TENM2: variants seen among roughly 807,000 people sequenced by gnomAD.
TENM2 encodes teneurin-2.
TENM2 carries 52 observed loss-of-function variants against 245.2 expected under a neutral mutation model. That is an observed-to-expected ratio of 0.21 (90% confidence interval 0.17 to 0.27). The LOEUF (loss-of-function observed/expected upper bound fraction) is 0.27. TENM2 is among the 10% of genes least tolerant of loss of function. The pLI is 1.00. For synonymous variants in TENM2, 1,363 were observed against 1,438.9 expected (o/e 0.95, Z 1.19); for missense variants, 3,046 against 3,666.8 (o/e 0.83, Z 4.37).
At position 168,062,317 on chromosome 5, in the gene TENM2, A is replaced by ATG. The variant is rs1318794510; in HGVS notation, c.1515+62_1515+63dup. ...CATTTAAAAAAATATATACGTATAT[A>ATG]TGTGTGTGTGTATATATGCCACTTC... is the stretch of plus-strand genomic sequence containing the variant. On this transcript the variant is annotated intron_variant, in intron 7 of 28. Coordinates refer to ENST00000518659, the Ensembl canonical transcript of TENM2. 162 of 1,456,722 alleles carry ATG rather than the reference A, an allele frequency of 1.1e-4. No homozygotes were observed. The East Asian group carries it at 2.9e-3, about 26-fold the overall frequency. The allele number at this position is 1,456,722 out of a possible 1,614,324, so 90.2% of individuals were successfully genotyped here.
At chr5:168,090,753 C>T (rs1208995083) in exon 8 of TENM2, 1 of 1,613,584 alleles carries the variant, frequency 6.2e-7, no homozygotes, top group Non-Finnish European at 8.5e-7. Flanking sequence ...TGGTTTCCTT[C>T]AATACTGTTG....
intron 2 of TENM2, among the ~76,000 whole-genome samples, chr5:167,391,912 G>C (rs1256444152): frequency 2.6e-5 from 4 of 152,048 alleles, no homozygotes; most frequent in African/African-American, 9.7e-5. Context: ...TTACCCAAGG[G>C]GAAAGGTAGA....
intron 1 of TENM2, among the ~76,000 whole-genome samples, chr5:167,301,874 G>C (rs181789883): frequency 6.6e-6 from 1 of 152,148 alleles, no homozygotes; most frequent in Non-Finnish European, 1.5e-5. Flanking sequence ...ACTGTAAGCC[G>C]GACCGGGTGT....
intron 4 of TENM2, among the ~76,000 whole-genome samples, chr5:167,989,910 G>A (rs1266812710): frequency 6.6e-6 from 1 of 152,164 alleles, no homozygotes; most frequent in Non-Finnish European, 1.5e-5. Flanking sequence ...TGCACAACGG[G>A]ATGTGGGTCA....
At chr5:168,204,241 G>A in intron 18 of TENM2, 131 bp from the exon 21 acceptor site, 1 of 975,600 alleles carries the variant, frequency 1.0e-6, no homozygotes, top group Non-Finnish European at 1.5e-6. Flanking sequence ...TCTCCACATT[G>A]TGAAGAAGTT....
intron 14 of TENM2, 21 bp from the exon 17 acceptor site, chr5:168,195,155 C>T: frequency 6.4e-7 from 1 of 1,573,824 alleles, no homozygotes; most frequent in Non-Finnish European, 8.6e-7. Flanking sequence ...GCTCAAAGAC[C>T]TCTGTTTCTG....
intron 2 of TENM2, among the ~76,000 whole-genome samples, chr5:167,667,790 G>C (rs2150341938): frequency 6.6e-6 from 1 of 152,278 alleles, no homozygotes; most frequent in East Asian, 1.9e-4. Context: ...GGTATAATGG[G>C]AATAGGGCAG....
At chr5:167,168,243 A>G in the TENM2 span, 1 of 152,220 alleles carries the variant, frequency 6.6e-6, no homozygotes, top group Non-Finnish European at 1.5e-5. Context: ...AGTGTTCTAT[A>G]TCATGTCACG....
At chr5:167,481,184 G>C (rs1375218618) in intron 2 of TENM2, among the ~76,000 whole-genome samples, 1 of 152,126 alleles carries the variant, frequency 6.6e-6, no homozygotes, top group Admixed American at 6.5e-5. Flanking sequence ...GCTATCACAT[G>C]GTTGCTGCTG....
chr5:167,221,018 G>A, the TENM2 span, among the ~76,000 whole-genome samples: 1 of 152,002 alleles, frequency 6.6e-6, no homozygotes, highest in Admixed American at 6.6e-5. Flanking sequence ...GGTAGAAATG[G>A]GCTTTCACCA....
chr5:167,329,869 T>G (rs986210715), intron 1 of TENM2, among the ~76,000 whole-genome samples: 15 of 152,194 alleles, frequency 9.9e-5, no homozygotes, highest in African/African-American at 3.6e-4. Context: ...CTTTAGTTTT[T>G]CATATCCCTA....
chr5:167,062,232 C>A, the TENM2 span, among the ~76,000 whole-genome samples: 3 of 151,980 alleles, frequency 2.0e-5, no homozygotes, highest in African/African-American at 7.3e-5. Context: ...TGCTCTTTAT[C>A]TTCTTTAGTA....
At chr5:167,877,378 G>A (rs1029283873) in intron 3 of TENM2, among the ~76,000 whole-genome samples, 2 of 152,180 alleles carry the variant, frequency 1.3e-5, no homozygotes, top group Non-Finnish European at 2.9e-5. Flanking sequence ...GATATATTTA[G>A]TAAACTCATA....
chr5:167,293,446 C>G (rs1037932493), intron 1 of TENM2, among the ~76,000 whole-genome samples: 9 of 150,096 alleles, frequency 6.0e-5, no homozygotes, highest in Non-Finnish European at 1.3e-4. Context: ...TCTCAAACTC[C>G]TGATCTTAGG....
At chr5:167,517,950 G>A (rs1179057597) in intron 2 of TENM2, among the ~76,000 whole-genome samples, 2 of 152,104 alleles carry the variant, frequency 1.3e-5, no homozygotes, top group South Asian at 2.1e-4. Context: ...CACTTGGGAG[G>A]CGGAGGCAGG....
chr5:167,914,084 T>C (rs1467351094), intron 3 of TENM2, among the ~76,000 whole-genome samples: 1 of 152,044 alleles, frequency 6.6e-6, no homozygotes, highest in Admixed American at 6.5e-5. Flanking sequence ...GATAGTAGAG[T>C]CTTCCCCTGT....
chr5:167,013,140 T>C, the TENM2 span, among the ~76,000 whole-genome samples: 1 of 152,272 alleles, frequency 6.6e-6, no homozygotes, highest in South Asian at 2.1e-4. Flanking sequence ...ACTATGTCTT[T>C]AAAATATTAC....
intron 2 of TENM2, among the ~76,000 whole-genome samples, chr5:167,830,870 T>C (rs1394308561): frequency 6.6e-6 from 1 of 152,168 alleles, no homozygotes; most frequent in Non-Finnish European, 1.5e-5. Flanking sequence ...TCTCAGAGGA[T>C]GATGCTGCTG....
rs1795413626 is a variant in TENM2 at position 168,120,755 on chromosome 5, AC to A, written c.2008+2270del. ...ATGGAATCAGAAAGTCTGGATCAGC[AC>A]TTTTTCTTCCATTTAGCTTTTTTAT... On this transcript the variant is annotated intron_variant, in intron 10 of 28. Coordinates refer to ENST00000518659, the Ensembl canonical transcript of TENM2. Among the ~76,000 whole-genome samples, 3 of 152,348 alleles carry A rather than the reference AC, an allele frequency of 2.0e-5. No individual in the cohort carries two copies. The South Asian group carries it at 6.2e-4, about 32-fold the overall frequency.
Sources: gnomAD v4.1 joint callset for allele counts (sites outside exome capture counted in the v4.1 genomes callset) on GRCh38, gnomAD v4.1.1 for gene constraint, MANE v1.5 for transcripts, NCBI Gene and HGNC (gene_info 2026-07-23, HGNC 2026-07-21) for gene names.